The following MAGI2 variants were observed in gnomAD, a reference collection of about 807,000 sequenced individuals.
MAGI2 encodes the protein membrane-associated guanylate kinase, WW and PDZ domain-containing protein 2.
In MAGI2, 35 loss-of-function variants were observed where a neutral mutation model predicts 133.3. The observed-to-expected ratio is 0.26, with a 90% CI of 0.20 to 0.35. The LOEUF (loss-of-function observed/expected upper bound fraction) is 0.35. Among genes scored for constraint, MAGI2 ranks in the 10% least tolerant of loss-of-function variants. The pLI is 1.00. For missense variants in MAGI2, 1,636 were observed against 1,863.4 expected (o/e 0.88, Z 2.25); for synonymous variants, 729 against 710.6 (o/e 1.03, Z -0.41).
chr7:79,055,340 C>T (rs558904753), intron 1 of MAGI2, among the ~76,000 whole-genome samples: 2 of 151,614 alleles, frequency 1.3e-5, no homozygotes, highest in Admixed American at 6.6e-5. Context: ...CTGTGTCTGG[C>T]GCATAATATG....
intron 1 of MAGI2, among the ~76,000 whole-genome samples, chr7:79,039,087 A>T (rs549352376): frequency 6.6e-6 from 1 of 152,256 alleles, no homozygotes; most frequent in East Asian, 1.9e-4. Flanking sequence ...TGGAAGAACC[A>T]TGTGGGAGGT....
At chr7:78,634,257 A>G (rs1563272847) in intron 2 of MAGI2, among the ~76,000 whole-genome samples, 1 of 152,226 alleles carries the variant, frequency 6.6e-6, no homozygotes, top group Non-Finnish European at 1.5e-5. Flanking sequence ...GTCATGTAAA[A>G]CAGCTAATGC....
At chr7:79,291,980 G>T (rs1445065108) in intron 1 of MAGI2, among the ~76,000 whole-genome samples, 1 of 151,488 alleles carries the variant, frequency 6.6e-6, no homozygotes, top group Non-Finnish European at 1.5e-5. Context: ...GAAATTTTTT[G>T]TTTGCCTAAT....
chr7:79,164,584 T>C (rs746804566), intron 1 of MAGI2, among the ~76,000 whole-genome samples: 124 of 152,034 alleles, frequency 8.2e-4, no homozygotes, highest in Non-Finnish European at 1.5e-3. Flanking sequence ...AATAGAACCT[T>C]GGTCTCCACA....
At chr7:79,227,104 T>G (rs1452612626) in intron 1 of MAGI2, among the ~76,000 whole-genome samples, 4 of 152,200 alleles carry the variant, frequency 2.6e-5, no homozygotes, top group Non-Finnish European at 4.4e-5. Context: ...AGGGTTCAAA[T>G]GCAAGCTGGC....
intron 10 of MAGI2, among the ~76,000 whole-genome samples, chr7:78,224,922 T>C (rs1789215358): frequency 6.6e-6 from 1 of 152,104 alleles, no homozygotes; most frequent in Admixed American, 6.5e-5. Flanking sequence ...GACCCCAGAC[T>C]GTCATTCCCA....
intron 2 of MAGI2, among the ~76,000 whole-genome samples, chr7:78,645,124 G>GTT (rs890817710): frequency 6.6e-6 from 1 of 152,030 alleles, no homozygotes; most frequent in African/African-American, 2.4e-5. Context: ...GTGTGTGTGT[G>GTT]TGTGTGTATG....
At chr7:79,351,158 C>A (rs1049428705) in intron 1 of MAGI2, among the ~76,000 whole-genome samples, 1 of 152,028 alleles carries the variant, frequency 6.6e-6, no homozygotes, top group African/African-American at 2.4e-5. Flanking sequence ...TGTTAGAATG[C>A]ATGCTTAACG....
chr7:78,167,150 T>C (rs1416361142), intron 15 of MAGI2, among the ~76,000 whole-genome samples: 1 of 152,070 alleles, frequency 6.6e-6, no homozygotes, highest in Middle Eastern at 3.2e-3. Flanking sequence ...GGCTGGGTGG[T>C]TCTGAGGGGA....
At chr7:78,753,245 A>G (rs1823621816) in intron 2 of MAGI2, among the ~76,000 whole-genome samples, 1 of 151,036 alleles carries the variant, frequency 6.6e-6, no homozygotes, top group South Asian at 2.1e-4. Flanking sequence ...ATAGTAATCA[A>G]TAAACAGACA....
intron 1 of MAGI2, among the ~76,000 whole-genome samples, chr7:79,205,413 G>C (rs1828957903): frequency 6.6e-6 from 1 of 151,926 alleles, no homozygotes; most frequent in Non-Finnish European, 1.5e-5. Flanking sequence ...AAATGAAGGA[G>C]ACAAAGACTA....
chr7:79,101,983 T>A (rs547936955), intron 1 of MAGI2, among the ~76,000 whole-genome samples: 115 of 152,106 alleles, frequency 7.6e-4, no homozygotes, highest in African/African-American at 2.7e-3. Context: ...ATGGCATGTG[T>A]TTTTGCTTTA....
At chr7:78,807,115 A>G (rs1427824010) in intron 2 of MAGI2, among the ~76,000 whole-genome samples, 1 of 151,936 alleles carries the variant, frequency 6.6e-6, no homozygotes, top group Non-Finnish European at 1.5e-5. Context: ...TAAGCCCATT[A>G]CAATCCAGAG....
At chr7:79,214,601 AC>A (rs1430988948) in intron 1 of MAGI2, among the ~76,000 whole-genome samples, 1 of 141,514 alleles carries the variant, frequency 7.1e-6, no homozygotes, top group African/African-American at 2.6e-5. Flanking sequence ...GAGAGTGCAA[AC>A]AAAAGAAAAA....
At chr7:79,395,440 C>T (rs1048584331) in intron 1 of MAGI2, among the ~76,000 whole-genome samples, 7 of 152,112 alleles carry the variant, frequency 4.6e-5, no homozygotes, top group Admixed American at 3.3e-4. Flanking sequence ...GGGAAAGTAT[C>T]ATCATCCCGT....
At chr7:78,446,642 A>G (rs1024476286) in intron 6 of MAGI2, among the ~76,000 whole-genome samples, 18 of 152,180 alleles carry the variant, frequency 1.2e-4, no homozygotes, top group South Asian at 4.1e-4. Flanking sequence ...TCTGCAGTCA[A>G]GTTCTGATGT....
At chr7:79,181,542 C>G (rs1204734101) in intron 1 of MAGI2, among the ~76,000 whole-genome samples, 1 of 151,912 alleles carries the variant, frequency 6.6e-6, no homozygotes, top group Non-Finnish European at 1.5e-5. Context: ...ACTATTTTTT[C>G]CCCCTAAACC....
At chr7:78,285,854 T>C (rs1796096478) in intron 9 of MAGI2, 1 of 152,154 alleles carries the variant, frequency 6.6e-6, no homozygotes, top group Admixed American at 6.6e-5. Context: ...CTGCAGTTCA[T>C]ACTTGAGTTG....
chr7:79,255,430 G>A (rs1320735839), intron 1 of MAGI2, among the ~76,000 whole-genome samples: 1 of 151,898 alleles, frequency 6.6e-6, no homozygotes, highest in African/African-American at 2.4e-5. Context: ...CACCACTGAG[G>A]GTATGAACAC....
Sources: gnomAD v4.1 joint callset for allele counts (sites outside exome capture counted in the v4.1 genomes callset) on GRCh38, gnomAD v4.1.1 for gene constraint, MANE v1.5 for transcripts, NCBI Gene and HGNC (gene_info 2026-07-23, HGNC 2026-07-21) for gene names.